Variants in CPQ observed in about 807,000 individuals in gnomAD.
CPQ encodes Ser-Met dipeptidase.
Under a neutral mutation model 45.7 loss-of-function variants are expected in CPQ, and 37 were observed. That is an observed-to-expected ratio of 0.81 (90% CI 0.62 to 1.07). The LOEUF (loss-of-function observed/expected upper bound fraction) is 1.07. Ranked by LOEUF, CPQ falls within the 50% of genes least tolerant of loss-of-function variation. The probability of loss-of-function intolerance (pLI) is 0.00; values close to 1 mark genes in which losing one functional copy is unlikely to be tolerated. For synonymous variants in CPQ, 186 were observed against 205.8 expected (o/e 0.90, Z 0.82); for missense variants, 537 against 572.9 (o/e 0.94, Z 0.64).
In CPQ at chr8:96,770,130, C is replaced by T. The variant is rs112686263; in HGVS notation, c.-34-14734C>T. Among the ~76,000 whole-genome samples the T allele has an allele frequency of 5.8e-3, 887 of 152,170 alleles. 13 individuals carry two copies. Among genetic ancestry groups the T allele is most frequent in the African/African-American group, 0.02 (845 of 41,508 alleles). ...GTCAGGGACACAAAATGAGTTAGCC[C>T]GTGTTGCTGGGATGAGGAGGGATAG... On this transcript the variant is annotated intron_variant, in intron 1 of 7. Coordinates refer to ENST00000220763, the MANE Select transcript of CPQ (RefSeq NM_016134.4).
intron 1 of CPQ, among the ~76,000 whole-genome samples, chr8:96,728,156 G>A (rs1014220306): frequency 1.3e-5 from 2 of 152,132 alleles, no homozygotes; most frequent in Admixed American, 1.3e-4. Flanking sequence ...GGCAATGTCT[G>A]ATTACTTACC....
At chr8:97,119,995 C>T (rs776487047) in intron 7 of CPQ, among the ~76,000 whole-genome samples, 3 of 152,260 alleles carry the variant, frequency 2.0e-5, no homozygotes, top group Middle Eastern at 3.4e-3. Context: ...GAGCAAATAC[C>T]AAAGATAGGC....
chr8:96,901,261 T>G (rs1234655693), intron 4 of CPQ, among the ~76,000 whole-genome samples: 1 of 152,162 alleles, frequency 6.6e-6, no homozygotes, highest in Non-Finnish European at 1.5e-5. Flanking sequence ...GAGCTGCTCA[T>G]GGGGTCAGCT....
At chr8:96,705,788 A>T (rs966569611) in intron 1 of CPQ, among the ~76,000 whole-genome samples, 1 of 152,138 alleles carries the variant, frequency 6.6e-6, no homozygotes, top group Non-Finnish European at 1.5e-5. Flanking sequence ...GGCATGTTTC[A>T]TAATTATAGG....
intron 1 of CPQ, among the ~76,000 whole-genome samples, chr8:96,762,187 C>G (rs17794904): frequency 0.043 from 6,471 of 152,148 alleles, 178 homozygotes; most frequent in Middle Eastern, 0.099. Context: ...TTATTTTGAA[C>G]AAGTGGTTTA....
intron 2 of CPQ, among the ~76,000 whole-genome samples, chr8:96,828,326 G>C (rs1811403672): frequency 6.6e-6 from 1 of 151,912 alleles, no homozygotes; most frequent in South Asian, 2.1e-4. Context: ...CTTAATACAA[G>C]TCTCCCATGT....
intron 6 of CPQ, among the ~76,000 whole-genome samples, chr8:97,043,880 T>C (rs1475486582): frequency 6.6e-6 from 1 of 152,250 alleles, no homozygotes; most frequent in African/African-American, 2.4e-5. Context: ...CTTCCCTTTG[T>C]GGGTAACCCG....
chr8:96,650,269 A>T (rs2130702668), intron 1 of CPQ, among the ~76,000 whole-genome samples: 1 of 152,338 alleles, frequency 6.6e-6, no homozygotes, highest in South Asian at 2.1e-4. Flanking sequence ...AAGGGTAATG[A>T]TTCGGAGAAA....
intron 7 of CPQ, among the ~76,000 whole-genome samples, chr8:97,097,837 T>C (rs1187337684): frequency 6.6e-6 from 1 of 152,140 alleles, no homozygotes; most frequent in East Asian, 1.9e-4. Flanking sequence ...AAAGAACATG[T>C]AAATTTACAA....
At chr8:97,068,011 G>A (rs1452666461) in intron 7 of CPQ, among the ~76,000 whole-genome samples, 4 of 152,156 alleles carry the variant, frequency 2.6e-5, no homozygotes, top group African/African-American at 7.2e-5. Flanking sequence ...GTAGACTGTG[G>A]GTGAATGAGA....
chr8:96,768,438 G>A (rs914921470), intron 1 of CPQ, among the ~76,000 whole-genome samples: 1 of 152,132 alleles, frequency 6.6e-6, no homozygotes, highest in Non-Finnish European at 1.5e-5. Context: ...GTATTGCAGG[G>A]GAGAGCACAC....
At chr8:97,006,578 C>A (rs1447778762) in intron 5 of CPQ, among the ~76,000 whole-genome samples, 2 of 152,174 alleles carry the variant, frequency 1.3e-5, no homozygotes, top group Non-Finnish European at 2.9e-5. Flanking sequence ...GCAAATCAGC[C>A]AAACGTAGCT....
At chr8:97,088,991 C>T (rs749841268) in intron 7 of CPQ, among the ~76,000 whole-genome samples, 4 of 152,072 alleles carry the variant, frequency 2.6e-5, no homozygotes, top group Non-Finnish European at 5.9e-5. Flanking sequence ...TACCTGTAAT[C>T]CCAGCACTTT....
intron 7 of CPQ, among the ~76,000 whole-genome samples, chr8:97,122,004 CAG>C (rs1177630933): frequency 1.3e-5 from 2 of 151,900 alleles, no homozygotes; most frequent in East Asian, 3.9e-4. Context: ...AAAATAAGAA[CAG>C]AGTCTCATTT....
intron 1 of CPQ, among the ~76,000 whole-genome samples, chr8:96,727,680 G>A (rs548038441): frequency 4.6e-5 from 7 of 152,124 alleles, no homozygotes; most frequent in Middle Eastern, 3.4e-3. Flanking sequence ...CTCCTTAAAC[G>A]ATGGGTGACA....
chr8:96,830,646 C>A (rs1811443733), intron 2 of CPQ, among the ~76,000 whole-genome samples: 1 of 152,060 alleles, frequency 6.6e-6, no homozygotes, highest in Non-Finnish European at 1.5e-5. Flanking sequence ...GTATTATAAT[C>A]CTTTTCATTA....
intron 1 of CPQ, among the ~76,000 whole-genome samples, chr8:96,771,095 A>T (rs1191253197): frequency 6.9e-6 from 1 of 145,732 alleles, no homozygotes; most frequent in Non-Finnish European, 1.5e-5. Flanking sequence ...TATATATTAT[A>T]TATATATAAA....
At chr8:97,005,133 G>A (rs980052393) in intron 5 of CPQ, among the ~76,000 whole-genome samples, 1 of 151,800 alleles carries the variant, frequency 6.6e-6, no homozygotes. Context: ...CCAGGCTGGA[G>A]TGTGGTGGTG....
chr8:96,906,262 T>C (rs371800293), intron 4 of CPQ, among the ~76,000 whole-genome samples: 1 of 152,290 alleles, frequency 6.6e-6, no homozygotes, highest in African/African-American at 2.4e-5. Context: ...TTTTCCCTCA[T>C]GTAATGTGGA....
Sources: gnomAD v4.1 joint callset for allele counts (sites outside exome capture counted in the v4.1 genomes callset) on GRCh38, gnomAD v4.1.1 for gene constraint, MANE v1.5 for transcripts, NCBI Gene and HGNC (gene_info 2026-07-23, HGNC 2026-07-21) for gene names.